Variants in NRG1 observed in about 807,000 individuals in gnomAD.
The protein encoded by NRG1 is pro-neuregulin-1, membrane-bound isoform.
NRG1 carries 18 observed loss-of-function variants against 63.8 expected under a neutral mutation model. The observed-to-expected ratio is 0.28, with a 90% CI of 0.19 to 0.42. The LOEUF (loss-of-function observed/expected upper bound fraction) is 0.42. Ranked by LOEUF, NRG1 falls within the 10% of genes least tolerant of loss-of-function variation. NRG1 has a pLI of 1.00. For synonymous variants in NRG1, 302 were observed against 301.3 expected (o/e 1.00, Z -0.02); for missense variants, 762 against 814.7 (o/e 0.94, Z 0.79).
chr8:32,067,392 G>T (rs1305659901), intron 1 of NRG1, among the ~76,000 whole-genome samples: 1 of 152,132 alleles, frequency 6.6e-6, no homozygotes, highest in African/African-American at 2.4e-5. Context: ...AGAGTTTTTA[G>T]CATGAAGCGT....
chr8:31,854,536 A>G (rs1311181455), intron 1 of NRG1, among the ~76,000 whole-genome samples: 1 of 151,354 alleles, frequency 6.6e-6, no homozygotes, highest in African/African-American at 2.4e-5. Context: ...CGGTCTATCA[A>G]TTTTGTTGAT....
chr8:32,323,704 T>A (rs1801681344), intron 1 of NRG1, among the ~76,000 whole-genome samples: 1 of 152,268 alleles, frequency 6.6e-6, no homozygotes, highest in Non-Finnish European at 1.5e-5. Context: ...CCTCTTTTTC[T>A]CCTTTAGCTC....
chr8:31,711,060 T>G (rs1043184355), intron 1 of NRG1, among the ~76,000 whole-genome samples: 2 of 152,196 alleles, frequency 1.3e-5, no homozygotes, highest in African/African-American at 4.8e-5. Flanking sequence ...TCTGCTTTAA[T>G]GATATTACTT....
At chr8:32,371,892 T>A (rs1241122577) in intron 1 of NRG1, among the ~76,000 whole-genome samples, 1 of 152,172 alleles carries the variant, frequency 6.6e-6, no homozygotes, top group Admixed American at 6.5e-5. Context: ...TTAAAGCTTC[T>A]ATTCTGATGG....
intron 1 of NRG1, among the ~76,000 whole-genome samples, chr8:32,393,402 A>G (rs897241048): frequency 3.9e-5 from 6 of 152,328 alleles, no homozygotes; most frequent in Admixed American, 2.0e-4. Context: ...CCAAAGGAAT[A>G]TAACTGTTCT....
At chr8:31,685,678 A>G (rs552135522) in intron 1 of NRG1, among the ~76,000 whole-genome samples, 1 of 152,112 alleles carries the variant, frequency 6.6e-6, no homozygotes, top group Admixed American at 6.6e-5. Context: ...TGTAGTTCCA[A>G]CCCTAGGCAA....
At chr8:32,363,470 A>T (rs1048162619) in intron 1 of NRG1, among the ~76,000 whole-genome samples, 10 of 152,132 alleles carry the variant, frequency 6.6e-5, no homozygotes, top group Non-Finnish European at 1.5e-4. Context: ...AATTTCTCTA[A>T]CGGGAGTATG....
intron 1 of NRG1, among the ~76,000 whole-genome samples, chr8:32,266,940 T>G (rs2129472097): frequency 6.7e-6 from 1 of 149,938 alleles, no homozygotes; most frequent in African/African-American, 2.5e-5. Flanking sequence ...TCCCAGCTAC[T>G]CAGGAGGCTG....
At chr8:32,718,295 A>G (rs1819756537) in intron 5 of NRG1, among the ~76,000 whole-genome samples, 2 of 152,174 alleles carry the variant, frequency 1.3e-5, no homozygotes, top group African/African-American at 4.8e-5. Flanking sequence ...GTGAAATACA[A>G]AGGAACTCCA....
At chr8:31,776,069 A>T (rs945046799) in intron 1 of NRG1, among the ~76,000 whole-genome samples, 4 of 152,102 alleles carry the variant, frequency 2.6e-5, no homozygotes, top group Non-Finnish European at 5.9e-5. Context: ...AAAGTGATTT[A>T]GTCTGAATCT....
chr8:32,245,984 A>G (rs1338985448), intron 1 of NRG1, among the ~76,000 whole-genome samples: 1 of 152,114 alleles, frequency 6.6e-6, no homozygotes, highest in African/African-American at 2.4e-5. Flanking sequence ...CTCATTAGCC[A>G]GGAATCAGGC....
chr8:32,344,326 CTTT>C (rs1804470587), intron 1 of NRG1, among the ~76,000 whole-genome samples: 1 of 40,410 alleles, frequency 2.5e-5, no homozygotes. Context: ...CCTTCTTTCT[CTTT>C]CTTTCTTTCT....
chr8:32,056,674 A>C (rs1254576276), intron 1 of NRG1, among the ~76,000 whole-genome samples: 3 of 152,158 alleles, frequency 2.0e-5, no homozygotes, highest in African/African-American at 7.2e-5. Context: ...AACTCACTGC[A>C]GTCCTTGGCA....
At chr8:32,671,109 A>G (rs538524372) in intron 5 of NRG1, among the ~76,000 whole-genome samples, 2 of 150,288 alleles carry the variant, frequency 1.3e-5, no homozygotes, top group East Asian at 3.9e-4. Context: ...CACTATATTC[A>G]TTTGGGTTTG....
chr8:32,419,742 G>A (rs1471200228), intron 1 of NRG1, among the ~76,000 whole-genome samples: 1 of 152,110 alleles, frequency 6.6e-6, no homozygotes. Flanking sequence ...AATATTGCAT[G>A]CAAGGTAAAC....
intron 1 of NRG1, among the ~76,000 whole-genome samples, chr8:32,528,805 A>C (rs117271849): frequency 1.3e-5 from 2 of 152,324 alleles, no homozygotes; most frequent in Admixed American, 1.3e-4. Flanking sequence ...AATTCAACAC[A>C]CGACTGGTTC....
intron 1 of NRG1, among the ~76,000 whole-genome samples, chr8:32,364,847 G>A (rs553915404): frequency 6.6e-6 from 1 of 151,706 alleles, no homozygotes; most frequent in East Asian, 1.9e-4. Context: ...TTAATTATCT[G>A]ATGAGTGAAA....
intron 1 of NRG1, among the ~76,000 whole-genome samples, chr8:32,477,617 C>G (rs1279671038): frequency 6.6e-6 from 1 of 152,118 alleles, no homozygotes; most frequent in East Asian, 1.9e-4. Flanking sequence ...GTTTTACCAC[C>G]TATTTCTCAA....
intron 1 of NRG1, among the ~76,000 whole-genome samples, chr8:32,569,304 C>T (rs1324458719): frequency 6.6e-6 from 1 of 152,194 alleles, no homozygotes; most frequent in Non-Finnish European, 1.5e-5. Flanking sequence ...CCACCTTGGC[C>T]TCCCAAAGTG....
Sources: gnomAD v4.1 joint callset for allele counts (sites outside exome capture counted in the v4.1 genomes callset) on GRCh38, gnomAD v4.1.1 for gene constraint, MANE v1.5 for transcripts, NCBI Gene and HGNC (gene_info 2026-07-23, HGNC 2026-07-21) for gene names.